The following MAN1C1 variants were observed in gnomAD, a reference collection of about 807,000 sequenced individuals.
The protein encoded by MAN1C1 is mannosidase alpha class 1C member 1, also known as mannosyl-oligosaccharide 1,2-alpha-mannosidase IC.
MAN1C1 carries 49 observed loss-of-function variants against 71.5 expected under a neutral mutation model. That is an observed-to-expected ratio of 0.69 (90% CI 0.54 to 0.87). The LOEUF is 0.87. Ranked by LOEUF, MAN1C1 falls within the 40% of genes least tolerant of loss-of-function variation. The pLI is 0.00. For missense variants in MAN1C1, 743 were observed against 835.0 expected (o/e 0.89, Z 1.36); for synonymous variants, 352 against 343.7 (o/e 1.02, Z -0.27).
chr1:25,751,945 A>G, intron 4 of MAN1C1, among the ~76,000 whole-genome samples: 1 of 152,140 alleles, frequency 6.6e-6, no homozygotes, highest in East Asian at 1.9e-4. Context: ...GCTCACATGC[A>G]GTGGGTGCCT....
At chr1:25,664,125 A>G (rs2045888030) in intron 1 of MAN1C1, among the ~76,000 whole-genome samples, 1 of 152,098 alleles carries the variant, frequency 6.6e-6, no homozygotes, top group African/African-American at 2.4e-5. Flanking sequence ...GGGGCCCAGT[A>G]TGGCAGCCCA....
chr1:25,687,835 A>C (rs1478776966), intron 2 of MAN1C1, among the ~76,000 whole-genome samples: 1 of 147,042 alleles, frequency 6.8e-6, no homozygotes, highest in Admixed American at 6.7e-5. Flanking sequence ...CAAATCAGGC[A>C]AAAAAAAAAT....
At chr1:25,707,876 G>A (rs2046545625) in intron 2 of MAN1C1, among the ~76,000 whole-genome samples, 1 of 152,238 alleles carries the variant, frequency 6.6e-6, no homozygotes, top group Admixed American at 6.5e-5. Flanking sequence ...ATGAGGAACT[G>A]CCTGGGGCAA....
intron 1 of MAN1C1, among the ~76,000 whole-genome samples, chr1:25,640,239 A>T (rs2124759605): frequency 6.6e-6 from 1 of 152,142 alleles, no homozygotes; most frequent in East Asian, 1.9e-4. Context: ...CTTTAATTTC[A>T]TTTGTCTGAT....
At chr1:25,699,288 G>A (rs1246187884) in intron 2 of MAN1C1, among the ~76,000 whole-genome samples, 1 of 148,596 alleles carries the variant, frequency 6.7e-6, no homozygotes, top group Non-Finnish European at 1.5e-5. Context: ...CAACAAGAGC[G>A]AAACTCCATC....
At chr1:25,732,561 G>A (rs925112273) in intron 2 of MAN1C1, among the ~76,000 whole-genome samples, 3 of 152,340 alleles carry the variant, frequency 2.0e-5, no homozygotes, top group Admixed American at 6.5e-5. Context: ...GCAGGTTTGC[G>A]TCTGCGGCGT....
In MAN1C1 at chr1:25,764,784, A is replaced by C. The variant is rs1018138112; in HGVS notation, c.1141+817A>C. On this transcript the variant is annotated intron_variant, in intron 7 of 11. Coordinates refer to ENST00000374332, the MANE Select transcript of MAN1C1 (RefSeq NM_020379.4). This position sits in a 1 kb window ranked among gnomAD's most constrained non-coding sequence, Gnocchi z 4.4. The stretch of plus-strand genomic sequence containing the variant: ...AAAACCATACAACAGTGTAGAAATC[A>C]TGAATTCAGGCCAAGCACCTGACGG... Among the ~76,000 whole-genome samples the C allele has an allele frequency of 2.0e-5, 3 of 152,142 alleles. No individual in the cohort carries two copies. Among genetic ancestry groups the C allele is most frequent in the African/African-American group, 7.2e-5 (3 of 41,450 alleles).
intron 2 of MAN1C1, among the ~76,000 whole-genome samples, chr1:25,703,122 G>T (rs1353236114): frequency 6.6e-6 from 1 of 152,214 alleles, no homozygotes; most frequent in Admixed American, 6.5e-5. Flanking sequence ...GCACAACCCA[G>T]GTTGGGAGCC....
intron 2 of MAN1C1, among the ~76,000 whole-genome samples, chr1:25,689,981 G>A (rs1021163612): frequency 2.0e-5 from 3 of 152,206 alleles, no homozygotes; most frequent in Non-Finnish European, 4.4e-5. Context: ...AGGAGCTGCA[G>A]CGAGGGCAGT....
rs1161625404 is a variant in MAN1C1, at chr1:25,776,293, G to A, written c.1258-1812G>A. On this transcript the variant is annotated intron_variant, in intron 8 of 11. Transcript: ENST00000374332. This position sits in a 1 kb window ranked among gnomAD's most constrained non-coding sequence, Gnocchi z 4.3. ...CAGCCAGTTGTGGTGGCTCACGCCT[G>A]TAATCCCAACATTTTGGGAGGCCGA... Among the ~76,000 whole-genome samples the A allele has an allele frequency of 6.6e-6, 1 of 151,978 alleles. No individual in the cohort carries two copies. The highest frequency in any genetic ancestry group is 1.5e-5 in the Non-Finnish European group (1 of 67,982).
chr1:25,682,397 A>G (rs761291611), intron 1 of MAN1C1, among the ~76,000 whole-genome samples: 3 of 152,232 alleles, frequency 2.0e-5, no homozygotes, highest in Non-Finnish European at 4.4e-5. Flanking sequence ...TGACAAGTCC[A>G]CACCTACACA....
intron 2 of MAN1C1, among the ~76,000 whole-genome samples, chr1:25,739,838 G>A (rs774148356): frequency 5.3e-5 from 8 of 152,192 alleles, no homozygotes; most frequent in East Asian, 1.9e-4. Flanking sequence ...CACCACAGAC[G>A]CCCATGCTGT....
rs2047664091 is a variant in MAN1C1 at position 25,779,408 on chromosome 1, C to T, written c.1477+1084C>T. On this transcript the variant is annotated intron_variant, in intron 9 of 11. Coordinates refer to ENST00000374332, the MANE Select transcript of MAN1C1 (RefSeq NM_020379.4). The surrounding 1 kb of genome is among the most constrained non-coding windows in gnomAD (Gnocchi z 4.6). ...ACCGCCCATCATGATGTGTCTGTGC[C>T]CGCCCCAGCTGAATGGGGTCTCCTG... Among the ~76,000 whole-genome samples the T allele has an allele frequency of 6.6e-6, 1 of 152,166 alleles. No individual in the cohort carries two copies. The highest frequency in any genetic ancestry group is 2.4e-5 in the African/African-American group (1 of 41,446).
intron 1 of MAN1C1, among the ~76,000 whole-genome samples, chr1:25,651,359 T>C (rs1370134636): frequency 6.6e-6 from 1 of 152,182 alleles, no homozygotes; most frequent in Non-Finnish European, 1.5e-5. Context: ...GCTCTTCAGC[T>C]GGCCTGTAAG....
At chr1:25,646,704 GGTCTTATGACA>G (rs1477644600) in intron 1 of MAN1C1, among the ~76,000 whole-genome samples, 1 of 152,176 alleles carries the variant, frequency 6.6e-6, no homozygotes, top group African/African-American at 2.4e-5. Flanking sequence ...TAGAATATGA[GGTCTTATGACA>G]GTTTTGAAGT....
At chr1:25,639,978 A>T (rs755064425) in intron 1 of MAN1C1, among the ~76,000 whole-genome samples, 12 of 152,212 alleles carry the variant, frequency 7.9e-5, no homozygotes, top group Non-Finnish European at 1.8e-4. Context: ...AACCTGTCAA[A>T]TATTTTCTCT....
chr1:25,774,749 C>T (rs1197883789), intron 8 of MAN1C1, among the ~76,000 whole-genome samples: 4 of 152,134 alleles, frequency 2.6e-5, no homozygotes, highest in African/African-American at 7.2e-5. Flanking sequence ...CCAGGCCTCT[C>T]GCCACGCTGG....
intron 1 of MAN1C1, among the ~76,000 whole-genome samples, chr1:25,668,768 C>T (rs2124124848): frequency 6.6e-6 from 1 of 152,144 alleles, no homozygotes; most frequent in Admixed American, 6.5e-5. Context: ...CCATGTTAGC[C>T]AGGATGGTCT....
In MAN1C1 at chr1:25,639,610, A is replaced by C. The variant is rs181509647; in HGVS notation, c.540+21273A>C. Among the ~76,000 whole-genome samples the C allele has an allele frequency of 1.6e-3, 244 of 152,314 alleles. 2 individuals are homozygous for C. Among genetic ancestry groups the C allele is most frequent in the African/African-American group, 5.2e-3 (218 of 41,578 alleles). On this transcript the variant is annotated intron_variant, in intron 1 of 11. Coordinates refer to ENST00000374332, the MANE Select transcript of MAN1C1 (RefSeq NM_020379.4). Reference sequence around the variant, plus strand: ...CCTGCGGTTGGCTAGGAAACTATTTAATCTAGCTTGTTGGCCTTATATGTA... The same window carrying C: ...CCTGCGGTTGGCTAGGAAACTATTTCATCTAGCTTGTTGGCCTTATATGTA...
Sources: allele counts gnomAD v4.1 joint callset (sites outside exome capture counted in the v4.1 genomes callset), GRCh38; gene constraint gnomAD v4.1.1; non-coding constraint Gnocchi (gnomAD v3.1); transcripts MANE v1.5; gene names NCBI Gene and HGNC (gene_info 2026-07-23, HGNC 2026-07-21).